The following NCOR1 variants were observed in gnomAD, a reference collection of about 807,000 sequenced individuals.
NCOR1 encodes the protein nuclear receptor corepressor 1.
NCOR1 carries 63 observed loss-of-function variants against 288.1 expected under a neutral mutation model. That is an observed-to-expected ratio of 0.22 (90% CI 0.18 to 0.27). The LOEUF is 0.27. NCOR1 is among the 10% of genes least tolerant of loss of function. The pLI is 1.00. For synonymous variants in NCOR1, 1,007 were observed against 1,065.9 expected, an observed-to-expected ratio of 0.94 and a Z score of 1.08; for missense variants, 2,397 against 3,019.2, an observed-to-expected ratio of 0.79 and a Z score of 4.83.
intron 35 of NCOR1, among the ~76,000 whole-genome samples, chr17:16,062,882 T>C (rs1162393425): frequency 6.6e-6 from 1 of 152,244 alleles, no homozygotes; most frequent in African/African-American, 2.4e-5. Context: ...GGTATGTTTT[T>C]GTTCACTTAA....
At chr17:16,116,210 C>T (rs1469066172) in intron 18 of NCOR1, among the ~76,000 whole-genome samples, 4 of 152,214 alleles carry the variant, frequency 2.6e-5, no homozygotes, top group Non-Finnish European at 5.9e-5. Context: ...CTGAGTCCCT[C>T]CCATGACACA....
At chr17:16,207,725 C>G (rs1249805564) in intron 1 of NCOR1, among the ~76,000 whole-genome samples, 1 of 136,212 alleles carries the variant, frequency 7.3e-6, no homozygotes, top group Non-Finnish European at 1.5e-5. Context: ...TGGGTGAGAG[C>G]GAGACTCCAT....
In NCOR1 at chr17:16,092,695, A is replaced by ATTTTTTTTTTTT. The variant is rs1184440315; in HGVS notation, c.2821-649_2821-638dup. 8.8e-5 allele frequency among the ~76,000 whole-genome samples: 2 copies of ATTTTTTTTTTTT among 22,602 alleles called. 1 individual carries two copies. The highest frequency in any genetic ancestry group is 1.4e-4 in the Non-Finnish European group (2 of 14,524). 14.8% of individuals were successfully genotyped at this position (22,602 alleles called of 152,430 possible). A position where few individuals can be genotyped will look rare whatever the true frequency, so the allele number is the denominator to read the frequency against. The stretch of plus-strand genomic sequence containing the variant: ...TATATATATATATATATATATATAT[A>ATTTTTTTTTTTT]TTTTTTTTTTTTTTTTTTTTTAAGA... On this transcript the variant is annotated intron_variant, in intron 21 of 45. Transcript: ENST00000268712.
intron 14 of NCOR1, among the ~76,000 whole-genome samples, chr17:16,134,009 CTT>C (rs907317252): frequency 1.3e-5 from 2 of 152,202 alleles, no homozygotes; most frequent in African/African-American, 2.4e-5. Flanking sequence ...TGCTTCTTCT[CTT>C]GTCTCCTTAC....
At chr17:16,187,212 T>TG (rs2086842071) in intron 2 of NCOR1, among the ~76,000 whole-genome samples, 1 of 151,476 alleles carries the variant, frequency 6.6e-6, no homozygotes, top group Non-Finnish European at 1.5e-5. Flanking sequence ...TTTTTTTTTT[T>TG]TGGCAAAAAC....
intron 11 of NCOR1, among the ~76,000 whole-genome samples, chr17:16,143,066 G>T (rs923770503): frequency 1.3e-5 from 2 of 152,104 alleles, no homozygotes. Context: ...TATATCACCT[G>T]CAGACAGATG....
Position 16,128,928 on chromosome 17 carries a change from T to C in NCOR1, c.1510-2722A>G, listed in dbSNP as rs571736207. 2.0e-5 allele frequency among the ~76,000 whole-genome samples: 3 copies of C among 152,350 alleles called. No individual in the cohort carries two copies. In the South Asian group the frequency reaches 6.2e-4, roughly 32 times the overall value. On this transcript the variant is annotated intron_variant, in intron 14 of 45. Coordinates refer to ENST00000268712, the MANE Select transcript of NCOR1 (RefSeq NM_006311.4). The stretch of plus-strand genomic sequence containing the variant: ...GTCCACTTCCAGAACATTGCTGAAC[T>C]GTGATATTTTAAAAATAATTCCTTT...
intron 1 of NCOR1, among the ~76,000 whole-genome samples, chr17:16,210,279 G>A (rs1600638495): frequency 6.6e-6 from 1 of 152,150 alleles, no homozygotes; most frequent in African/African-American, 2.4e-5. Context: ...AGCTACTTGG[G>A]AGGCTGACGC....
At chr17:16,200,182 T>C (rs368538345) in intron 1 of NCOR1, among the ~76,000 whole-genome samples, 1 of 152,016 alleles carries the variant, frequency 6.6e-6, no homozygotes, top group Non-Finnish European at 1.5e-5. Flanking sequence ...TGGCCTAAGC[T>C]ATCTTGGAAA....
At chr17:16,144,693 T>C (rs1400649860) in intron 10 of NCOR1, among the ~76,000 whole-genome samples, 1 of 152,100 alleles carries the variant, frequency 6.6e-6, no homozygotes, top group African/African-American at 2.4e-5. Flanking sequence ...TCATGATCAG[T>C]TTCAAGAAAC....
intron 6 of NCOR1, among the ~76,000 whole-genome samples, chr17:16,155,350 CA>C (rs11367956): frequency 0.46 from 52,836 of 114,704 alleles, 11,326 homozygotes; most frequent in Middle Eastern, 0.57. Flanking sequence ...GACTGTGTCT[CA>C]AAAAAAAAAA....
At chr17:16,056,014 G>GAGGT (rs751077885) in intron 40 of NCOR1, among the ~76,000 whole-genome samples, 7 of 152,170 alleles carry the variant, frequency 4.6e-5, no homozygotes, top group Non-Finnish European at 8.8e-5. Context: ...TGGATACCTA[G>GAGGT]AGGTGTATTA....
At chr17:16,096,797 G>A (rs535820412) in intron 21 of NCOR1, among the ~76,000 whole-genome samples, 10 of 152,266 alleles carry the variant, frequency 6.6e-5, no homozygotes, top group Non-Finnish European at 1.0e-4. Context: ...CCCAGCACAA[G>A]AGGATGTAAG....
chr17:16,053,679 A>C (rs1190278355), intron 40 of NCOR1, among the ~76,000 whole-genome samples: 1 of 152,192 alleles, frequency 6.6e-6, no homozygotes, highest in Admixed American at 6.5e-5. Context: ...TCTTCACAGA[A>C]CTACAAAAAA....
chr17:16,126,159 C>CCTG lies in NCOR1; in HGVS notation c.1556_1557insCAG (p.Glu519delinsAspArg). The CCTG allele has an allele frequency of 6.4e-7, 1 of 1,550,784 alleles. No homozygotes were observed. The highest frequency in any genetic ancestry group is 8.7e-7 in the Non-Finnish European group (1 of 1,152,636). Reference sequence around the variant, plus strand: ...TTTTTTCTGTTTTTTCTGCTTTATCCTCTTCTTTTTCTTCTACTTTTTCTT... The same window carrying CCTG: ...TTTTTTCTGTTTTTTCTGCTTTATCCCTGTCTTCTTTTTCTTCTACTTTTTCTT... On this transcript the variant is annotated protein_altering_variant, in exon 15 of 46. Coordinates refer to ENST00000268712, the MANE Select transcript of NCOR1 (RefSeq NM_006311.4).
At chr17:16,129,941 A>G (rs2075343700) in intron 14 of NCOR1, among the ~76,000 whole-genome samples, 1 of 152,202 alleles carries the variant, frequency 6.6e-6, no homozygotes, top group Non-Finnish European at 1.5e-5. Context: ...ACCAACAGAT[A>G]ACTTCACTCC....
At chr17:16,041,404 C>CCTTTTTT (rs2057549290) in intron 42 of NCOR1, 1 of 103,790 alleles carries the variant, frequency 9.6e-6, no homozygotes, top group Non-Finnish European at 1.9e-5. Flanking sequence ...TGTGAAAGTT[C>CCTTTTTT]TTTTTTTTTT....
In NCOR1 at chr17:16,080,710, A is replaced by G. The variant is rs373391858; in HGVS notation, c.3195T>C (p.Tyr1065=). 8 of 1,613,462 alleles carry G rather than the reference A, an allele frequency of 5.0e-6. No individual in the cohort carries two copies. In the African/African-American group the frequency reaches 6.7e-5, roughly 13 times the overall value. ...GSISQGTPGT[Y]LTSHNQASYT... is the part of the protein sequence containing the mutation. The stretch of plus-strand genomic sequence containing the variant: ...AGGAAGCCTGATTATGAGAAGTCAA[A>G]TAAGTGCCTGGTGTTCCCTAAGAAA... The change falls in exon 24 of 46, where the codon TAT becomes TAC. Residue 1065 remains tyrosine (Y), a synonymous_variant. Transcript: ENST00000268712.
At chr17:16,145,585 G>C (rs1211375420) in intron 10 of NCOR1, among the ~76,000 whole-genome samples, 2 of 150,350 alleles carry the variant, frequency 1.3e-5, no homozygotes, top group African/African-American at 2.4e-5. Flanking sequence ...TCTCTGCCCG[G>C]CTGCCCAGTC....
Sources: gnomAD v4.1 joint callset for allele counts (sites outside exome capture counted in the v4.1 genomes callset) on GRCh38, gnomAD v4.1.1 for gene constraint, MANE v1.5 for transcripts, NCBI Gene and HGNC (gene_info 2026-07-23, HGNC 2026-07-21) for gene names.